BAZ2A: variants seen among roughly 807,000 people sequenced by gnomAD.
BAZ2A encodes the protein bromodomain adjacent to zinc finger domain protein 2A.
In BAZ2A, 34 loss-of-function variants were observed where a neutral mutation model predicts 199.9. The observed-to-expected ratio is 0.17, with a 90% CI of 0.13 to 0.23. The LOEUF is 0.23. Among genes scored for constraint, BAZ2A ranks in the 10% least tolerant of loss-of-function variants. BAZ2A has a pLI of 1.00. For missense variants in BAZ2A, 2,002 were observed against 2,391.1 expected, an observed-to-expected ratio of 0.84 and a Z score of 3.39; for synonymous variants, 857 against 883.9, an observed-to-expected ratio of 0.97 and a Z score of 0.54.
rs747370292 is a variant in BAZ2A, at chr12:56,610,563, C to T, written c.1671-46G>A. ...CCCTGCCGCCAGGTCACACCCCTAC[C>T]CACTCCCATGCCACCTAAGCGCGAA... On this transcript the variant is annotated intron_variant, in intron 7 of 28. Transcript: ENST00000549884. The T allele has an allele frequency of 9.6e-6, 15 of 1,557,754 alleles. No individual in the cohort carries two copies. The South Asian group carries it at 1.3e-4, about 13-fold the overall frequency.
upstream of BAZ2A, among the ~76,000 whole-genome samples, chr12:56,637,708 T>C (rs142596462): frequency 3.6e-3 from 539 of 151,366 alleles, no homozygotes; most frequent in Admixed American, 6.5e-3. Context: ...TTTCCCAATA[T>C]GCCCTTCAAA....
intron 10 of BAZ2A, among the ~76,000 whole-genome samples, chr12:56,608,554 CTATTAT>C (rs1022814478): frequency 6.6e-6 from 1 of 151,464 alleles, no homozygotes; most frequent in Non-Finnish European, 1.5e-5. Flanking sequence ...AAAACAGTGC[CTATTAT>C]TATTATTATA....
chr12:56,605,685 G>T, intron 13 of BAZ2A, 145 bp downstream of exon 13: 1 of 945,170 alleles, frequency 1.1e-6, no homozygotes, highest in Non-Finnish European at 1.5e-6. Flanking sequence ...GCCTCCCAAA[G>T]TGCTGGGATT....
At position 56,595,643 on chromosome 12, in the gene BAZ2A, G is replaced by A. The variant is rs1025768154; in HGVS notation, c.*2975C>T. The A allele has an allele frequency of 1.3e-5, 2 of 151,918 alleles. No homozygotes were observed. Among genetic ancestry groups the A allele is most frequent in the African/African-American group, 4.8e-5 (2 of 41,322 alleles). The allele number at this position is 151,918 out of a possible 1,614,324, so 9.4% of individuals were successfully genotyped here. ...CGTGAGTGGGAAGTGGTAAGCTGGT[G>A]ATGGTCCCATATTTGCTATGACAGG... On this transcript the variant is annotated 3_prime_UTR_variant, in exon 29 of 29. Coordinates refer to ENST00000549884, the MANE Select transcript of BAZ2A (RefSeq NM_001300905.2).
In BAZ2A at chr12:56,603,428, A is replaced by C. The variant is rs763213599; in HGVS notation, c.3220-10T>G. 2 of 1,613,992 alleles carry C rather than the reference A, an allele frequency of 1.2e-6. No individual in the cohort carries two copies. The highest frequency in any genetic ancestry group is 4.5e-5 in the East Asian group (2 of 44,882). On this transcript the variant is annotated splice_polypyrimidine_tract_variant and intron_variant, in intron 17 of 28. Transcript: ENST00000549884. Reference sequence around the variant, plus strand: ...ATGCTGTGGCATCAACCTAGGGAGAAACACATGGGCATTATGAAAAAGGAG... The same window carrying C: ...ATGCTGTGGCATCAACCTAGGGAGACACACATGGGCATTATGAAAAAGGAG...
At chr12:56,636,685 A>AT (rs976088042), upstream of BAZ2A, 1 of 158,584 alleles carries the variant, frequency 6.3e-6, no homozygotes, top group Admixed American at 6.2e-5. Context: ...ACAAAGCAGA[A>AT]AGGGCTGACC....
Position 56,599,707 on chromosome 12 carries a change from C to T in BAZ2A, c.5167G>A (p.Ala1723Thr). The T allele has an allele frequency of 1.2e-6, 2 of 1,613,528 alleles. No individual in the cohort carries two copies. The highest frequency in any genetic ancestry group is 1.7e-6 in the Non-Finnish European group (2 of 1,179,896). ...AGAAAGAGCAGAAGCCTTACCTGAG[C>T]CAAACAGACAGTACAGAACCAATCT... Reference protein sequence around the residue: ...EGDWFCTVCLAQQVEGEFTQK... With the variant: ...EGDWFCTVCLTQQVEGEFTQK... Residue 1723 changes from alanine (A) to threonine (T), a missense_variant, in exon 26 of 29, where the codon GCT (alanine) becomes ACT (threonine). Around this residue, in one of 6 missense-constraint regions of BAZ2A, gnomAD observed 122 missense variants for 123.0 expected, o/e 0.99. Coordinates refer to ENST00000549884, the MANE Select transcript of BAZ2A (RefSeq NM_001300905.2).
intron 18 of BAZ2A, 35 bp downstream of exon 18, chr12:56,603,324 T>C (rs1163256178): frequency 1.2e-6 from 2 of 1,603,718 alleles, no homozygotes; most frequent in Admixed American, 1.7e-5. Context: ...GCCCAGCCCA[T>C]ATCTCCAACT....
At chr12:56,603,280 A>C (rs1318167871) in intron 18 of BAZ2A, 79 bp downstream of exon 18, 49 of 1,459,318 alleles carry the variant, frequency 3.4e-5, no homozygotes, top group Non-Finnish European at 4.5e-5. Flanking sequence ...ATAAAAATTA[A>C]AATTCAGTTT....
chr12:56,602,908 G>C (rs780640714), intron 18 of BAZ2A, 51 bp from the exon 19 acceptor site: 12 of 1,554,316 alleles, frequency 7.7e-6, no homozygotes, highest in Non-Finnish European at 1.0e-5. Flanking sequence ...CAGAGTGACA[G>C]TGGTGAATTC....
Position 56,615,384 on chromosome 12 carries a change from T to A in BAZ2A, c.360A>T (p.Pro120=), listed in dbSNP as rs1158972964. The A allele has an allele frequency of 1.5e-5, 24 of 1,612,144 alleles. No individual in the cohort carries two copies. Among genetic ancestry groups the A allele is most frequent in the Non-Finnish European group, 2.0e-5 (23 of 1,179,310 alleles). Residue 120 remains proline, a synonymous_variant, in exon 3 of 29, where the codon CCA becomes CCT. Transcript: ENST00000549884. ...LLSQFSGGQY[P]LNGILGGSRQ... is the part of the protein sequence containing the mutation. ...GGCTGCCCCCAAGGATGCCGTTGAG[T>A]GGGTATTGTCCCCCCGAGAACTGGG...
chr12:56,598,160 C>T lies in BAZ2A; in HGVS notation c.*458G>A, dbSNP rs1263545933. The T allele has an allele frequency of 1.3e-5, 2 of 156,238 alleles. No individual in the cohort carries two copies. Among genetic ancestry groups the T allele is most frequent in the African/African-American group, 2.4e-5 (1 of 41,444 alleles). The allele number at this position is 156,238 out of a possible 1,614,324, so 9.7% of individuals were successfully genotyped here. On this transcript the variant is annotated 3_prime_UTR_variant, in exon 29 of 29. Coordinates refer to ENST00000549884, the MANE Select transcript of BAZ2A (RefSeq NM_001300905.2). ...GCGACACACTTGGGAGTTAAGTCCACTTTACTGGCCGTCACTGCGGGTCCG... is the reference window on the plus strand; with the variant it reads ...GCGACACACTTGGGAGTTAAGTCCATTTTACTGGCCGTCACTGCGGGTCCG...
chr12:56,638,307 A>G (rs775330414), upstream of BAZ2A: 7 of 1,607,804 alleles, frequency 4.4e-6, no homozygotes, highest in South Asian at 6.6e-5. Context: ...GAGACAGTAC[A>G]GAGGACAAAG....
intron 10 of BAZ2A, among the ~76,000 whole-genome samples, chr12:56,609,086 G>A (rs1282782112): frequency 2.0e-5 from 3 of 151,774 alleles, no homozygotes; most frequent in East Asian, 1.9e-4. Flanking sequence ...TACCATGTTC[G>A]CCAGGATGGT....
At chr12:56,613,526 G>T (rs1416458598) in intron 4 of BAZ2A, among the ~76,000 whole-genome samples, 1 of 152,132 alleles carries the variant, frequency 6.6e-6, no homozygotes, top group Non-Finnish European at 1.5e-5. Flanking sequence ...AAAATGAAAG[G>T]AAAGGCATTG....
In BAZ2A at chr12:56,600,929, AG is replaced by A; in HGVS notation, c.4450+13del. 1 of 1,613,470 alleles carries A rather than the reference AG, an allele frequency of 6.2e-7. No individual in the cohort carries two copies. The highest frequency in any genetic ancestry group is 8.5e-7 in the Non-Finnish European group (1 of 1,179,604). On this transcript the variant is annotated intron_variant, in intron 22 of 28. Coordinates refer to ENST00000549884, the MANE Select transcript of BAZ2A (RefSeq NM_001300905.2). ...GGGCTCTTCAGCTCAAGCTGGGTGT[AG>A]GAATGTATTTACCAGCTGAGGGCCG...
In BAZ2A at chr12:56,604,410, G is replaced by A. The variant is rs947915424; in HGVS notation, c.2964-119C>T. The A allele has an allele frequency of 7.6e-6, 10 of 1,320,734 alleles. 1 individual carries two copies. Among genetic ancestry groups the A allele is most frequent in the Admixed American group, 2.1e-5 (1 of 47,620 alleles). 81.8% of individuals were successfully genotyped at this position (1,320,734 alleles called of 1,614,324 possible). ...AGCCTAGAACCCAGATTGGGTGAAT[G>A]GCAGAAGGCTTAGGCTCTCCCAGGG... is the stretch of plus-strand genomic sequence containing the variant. On this transcript the variant is annotated intron_variant, in intron 15 of 28. Transcript: ENST00000549884.
chr12:56,611,744 CAG>C (rs766519474), intron 6 of BAZ2A, 27 bp downstream of exon 6: 3 of 1,518,942 alleles, frequency 2.0e-6, no homozygotes, highest in East Asian at 2.3e-5. Context: ...TGGAACCAGA[CAG>C]GGATAGAATA....
At chr12:56,599,427 C>A in intron 26 of BAZ2A, 69 bp from the exon 27 acceptor site, 1 of 1,502,282 alleles carries the variant, frequency 6.7e-7, no homozygotes, top group Non-Finnish European at 9.0e-7. Context: ...ACAATCTCTG[C>A]CTAAATATGA....
Sources: allele counts gnomAD v4.1 joint callset (sites outside exome capture counted in the v4.1 genomes callset), GRCh38; gene constraint gnomAD v4.1.1; regional missense constraint gnomAD v4.1.1; transcripts MANE v1.5; gene names NCBI Gene and HGNC (gene_info 2026-07-23, HGNC 2026-07-21).